Variants in NHSL2 observed in about 807,000 individuals in gnomAD.
The protein encoded by NHSL2 is NHS like 2.
Under a neutral mutation model 53.4 loss-of-function variants are expected in NHSL2, and 27 were observed. That is an observed-to-expected ratio of 0.51 (90% confidence interval 0.37 to 0.70). The LOEUF (loss-of-function observed/expected upper bound fraction) is 0.70. NHSL2 is among the 30% of genes least tolerant of loss of function. The pLI is 0.00. For synonymous variants in NHSL2, 408 were observed against 404.1 expected, an observed-to-expected ratio of 1.01 and a Z score of -0.12; for missense variants, 892 against 980.1, an observed-to-expected ratio of 0.91 and a Z score of 1.20.
chrX:71,986,507 A>G (rs949359670), intron 1 of NHSL2, among the ~76,000 whole-genome samples: 1 of 112,461 alleles, frequency 8.9e-6, no homozygotes, highest in Non-Finnish European at 1.9e-5. Flanking sequence ...CCATTTATCC[A>G]AAGTCATAGA....
chrX:72,071,166 A>G (rs1462890743), intron 1 of NHSL2, among the ~76,000 whole-genome samples: 3 of 111,429 alleles, frequency 2.7e-5, no homozygotes, highest in Non-Finnish European at 5.7e-5. Flanking sequence ...TTGGCCTCCT[A>G]TATGGGCTGA....
Position 71,923,315 on chromosome X carries a change from A to G in NHSL2, c.280+11948A>G, listed in dbSNP as rs758995265. Among the ~76,000 whole-genome samples the G allele has an allele frequency of 3.6e-5, 4 of 111,829 alleles. No homozygotes were observed. In the South Asian group the frequency reaches 1.5e-3, roughly 43 times the overall value. On this transcript the variant is annotated intron_variant, in intron 1 of 7. Transcript: ENST00000633930. ...ATTAGAAAAAGTCCCCTTTTCTGGT[A>G]ATAAGTATTAAAATATGGAGTATCC...
chrX:72,061,551 C>T (rs182020251), intron 1 of NHSL2, among the ~76,000 whole-genome samples: 3 of 112,149 alleles, frequency 2.7e-5, no homozygotes, highest in Non-Finnish European at 5.6e-5. Context: ...TGGACTACTA[C>T]GATAGCCTCC....
intron 1 of NHSL2, among the ~76,000 whole-genome samples, chrX:72,000,233 C>A (rs190869280): frequency 4.2e-4 from 47 of 111,527 alleles, no homozygotes; most frequent in African/African-American, 1.5e-3. Context: ...CTTCTCTGTG[C>A]GAGGCTGTAC....
intron 1 of NHSL2, among the ~76,000 whole-genome samples, chrX:72,015,193 C>G (rs751620636): frequency 2.7e-5 from 3 of 111,323 alleles, no homozygotes; most frequent in Admixed American, 9.5e-5. Context: ...AGGTCTCTTG[C>G]AGGTGTACAT....
intron 1 of NHSL2, chrX:72,129,762 T>C: frequency 3.9e-6 from 4 of 1,033,689 alleles, no homozygotes; most frequent in Non-Finnish European, 5.2e-6. Context: ...GGGGCAGGTA[T>C]GGCAGCAATA....
At chrX:71,979,186 G>A (rs1454901880) in intron 1 of NHSL2, among the ~76,000 whole-genome samples, 2 of 110,393 alleles carry the variant, frequency 1.8e-5, no homozygotes, top group Admixed American at 9.7e-5. Flanking sequence ...TTGGTTCCAA[G>A]TCTTTGCTAT....
At chrX:72,090,682 A>C (rs1165185602) in intron 1 of NHSL2, among the ~76,000 whole-genome samples, 1 of 110,140 alleles carries the variant, frequency 9.1e-6, no homozygotes, top group Non-Finnish European at 1.9e-5. Context: ...CCCCATCCCC[A>C]CTTTAACAGC....
At chrX:72,073,966 T>C (rs1015354825) in intron 1 of NHSL2, among the ~76,000 whole-genome samples, 1 of 112,472 alleles carries the variant, frequency 8.9e-6, no homozygotes, top group Admixed American at 9.4e-5. Flanking sequence ...ATTATTGGAA[T>C]AACTGAACTC....
Position 72,069,159 on chromosome X carries a change from AGAGTGAGC to A in NHSL2, c.281-62904_281-62897del, listed in dbSNP as rs748714899. ...CGCGCTCCTGCAAGCTTCTGCAGAC[AGAGTGAGC>A]GAGTGAGCGAGTGAGTGAGCCAGCG... is the stretch of plus-strand genomic sequence containing the variant. On this transcript the variant is annotated intron_variant, in intron 1 of 7. Coordinates refer to ENST00000633930, the MANE Select transcript of NHSL2 (RefSeq NM_001013627.3). Among the ~76,000 whole-genome samples the A allele has an allele frequency of 1.4e-4, 16 of 112,272 alleles. No individual in the cohort carries two copies. The South Asian group carries it at 4.8e-3, about 34-fold the overall frequency.
rs1471260703 is a variant in NHSL2, at chrX:72,139,422, A to G, written c.1874A>G (p.Asn625Ser). The change falls in exon 6 of 8, where the codon AAC (asparagine) becomes AGC (serine). Residue 625 changes from asparagine (N) to serine (S), a missense_variant. Physicochemically the swap from Asn to Ser is conservative, Grantham distance 46. Coordinates refer to ENST00000633930, the MANE Select transcript of NHSL2 (RefSeq NM_001013627.3). ...GCTCAGGGTCACCCAGCTATTCCAAACCACAAAGATCCAGAAAGTACACAA... is the reference window on the plus strand; with the variant it reads ...GCTCAGGGTCACCCAGCTATTCCAAGCCACAAAGATCCAGAAAGTACACAA... ...PDAQGHPAIP[N>S]HKDPESTQFS... is the part of the protein sequence containing the mutation. 1.7e-6 allele frequency: 2 copies of G among 1,210,737 alleles called. No homozygotes were observed. The highest frequency in any genetic ancestry group is 1.8e-5 in the South Asian group (1 of 56,869).
chrX:72,042,233 G>A (rs1319315918), intron 1 of NHSL2, among the ~76,000 whole-genome samples: 2 of 112,785 alleles, frequency 1.8e-5, no homozygotes, highest in Non-Finnish European at 3.8e-5. Context: ...TGTGATTTCA[G>A]CAGGAAAATA....
intron 1 of NHSL2, among the ~76,000 whole-genome samples, chrX:72,123,364 G>A (rs961058969): frequency 8.9e-6 from 1 of 112,099 alleles, no homozygotes; most frequent in South Asian, 3.7e-4. Flanking sequence ...GTCTTCCCAC[G>A]AGGAAGGAGA....
rs2041850710 is a variant in NHSL2 at position 71,957,990 on chromosome X, G to T, written c.280+46623G>T. Among the ~76,000 whole-genome samples, 3 of 110,481 alleles carry T rather than the reference G, an allele frequency of 2.7e-5. No homozygotes were observed. In the South Asian group the frequency reaches 1.2e-3, roughly 43 times the overall value. On this transcript the variant is annotated intron_variant, in intron 1 of 7. Coordinates refer to ENST00000633930, the MANE Select transcript of NHSL2 (RefSeq NM_001013627.3). ...GGGACGCTCACATCTGGCAATGGTG[G>T]GGGGAAGGGACTCTAGAGAAAACTT...
Position 71,911,143 on chromosome X carries a change from C to G in NHSL2, c.56C>G (p.Pro19Arg), listed in dbSNP as rs779389897. Reference protein sequence around the residue: ...VPQRLCPRNPPQQLAELRDVS... With the variant: ...VPQRLCPRNPRQQLAELRDVS... The stretch of plus-strand genomic sequence containing the variant: ...CAGCGCCTGTGCCCGCGCAACCCGC[C>G]GCAGCAGCTGGCGGAGCTCCGCGAC... Residue 19 changes from proline to arginine, a missense_variant, in exon 1 of 8, where the codon CCG becomes CGG. Physicochemically the swap from Pro to Arg is moderately radical, Grantham distance 103. Transcript: ENST00000633930. 4.6e-5 allele frequency: 52 copies of G among 1,118,497 alleles called. 1 individual carries two copies. In the South Asian group the frequency reaches 9.9e-4, roughly 21 times the overall value. 92.2% of individuals were successfully genotyped at this position (1,118,497 alleles called of 1,213,427 possible).
In NHSL2 at chrX:71,911,295, C is replaced by T. The variant is rs769176508; in HGVS notation, c.208C>T (p.Arg70Trp). The T allele has an allele frequency of 1.3e-5, 15 of 1,131,481 alleles. No individual in the cohort carries two copies. In the East Asian group the frequency reaches 4.1e-4, roughly 31 times the overall value. 93.2% of individuals were successfully genotyped at this position (1,131,481 alleles called of 1,213,427 possible). A position where few individuals can be genotyped will look rare whatever the true frequency, so the allele number is the denominator to read the frequency against. ...ALGRRTDSLYRRTVRLRRRLP... is the reference protein window; with the variant it reads ...ALGRRTDSLYWRTVRLRRRLP... ...GGGGCGCCGCACAGACAGCCTGTACCGGCGCACCGTGCGCCTCCGCCGCCG... is the reference window on the plus strand; with the variant it reads ...GGGGCGCCGCACAGACAGCCTGTACTGGCGCACCGTGCGCCTCCGCCGCCG... Residue 70 changes from arginine (R) to tryptophan (W), a missense_variant, in exon 1 of 8, where the codon CGG becomes TGG. By Grantham distance (101) the Arg-to-Trp change is moderately radical. Transcript: ENST00000633930.
At chrX:71,982,662 A>G (rs1033172770) in intron 1 of NHSL2, among the ~76,000 whole-genome samples, 1 of 112,173 alleles carries the variant, frequency 8.9e-6, no homozygotes, top group Non-Finnish European at 1.9e-5. Flanking sequence ...ACTCAAAAGA[A>G]CAGGGTCCAG....
chrX:72,009,733 C>T lies in NHSL2; in HGVS notation c.280+98366C>T, dbSNP rs931372392. 2.7e-5 allele frequency among the ~76,000 whole-genome samples: 3 copies of T among 112,743 alleles called. No individual in the cohort carries two copies. In the South Asian group the frequency reaches 1.1e-3, roughly 41 times the overall value. On this transcript the variant is annotated intron_variant, in intron 1 of 7. Transcript: ENST00000633930. ...TTATTTCCCTTGCCTATCGTTGGCT[C>T]TCCCACTAGAATGAGAGCTCCATGA... is the stretch of plus-strand genomic sequence containing the variant.
At chrX:72,078,085 C>CTATATCTATATCTATA (rs2041759032) in intron 1 of NHSL2, among the ~76,000 whole-genome samples, 1 of 112,833 alleles carries the variant, frequency 8.9e-6, no homozygotes, top group Admixed American at 9.3e-5. Flanking sequence ...CATAAGTGAT[C>CTATATCTATATCTATA]TATAGATTAG....
Sources: gnomAD v4.1 joint callset for allele counts (sites outside exome capture counted in the v4.1 genomes callset) on GRCh38, gnomAD v4.1.1 for gene constraint, MANE v1.5 for transcripts, NCBI Gene and HGNC (gene_info 2026-07-23, HGNC 2026-07-21) for gene names.